The following HEPHL1 variants were observed in gnomAD, a reference collection of about 807,000 sequenced individuals.
HEPHL1 encodes ferroxidase HEPHL1.
In HEPHL1, 123 loss-of-function variants were observed where a neutral mutation model predicts 122.0. The observed-to-expected ratio is 1.01, with a 90% confidence interval of 0.87 to 1.17. HEPHL1 has a LOEUF of 1.17. HEPHL1 is among the 50% of genes most tolerant of loss of function. HEPHL1 has a pLI of 0.00. For missense variants in HEPHL1, 1,452 were observed against 1,430.5 expected (o/e 1.01, Z -0.24); for synonymous variants, 527 against 508.9 (o/e 1.04, Z -0.48).
At chr11:94,089,796 G>T (rs908664709) in intron 12 of HEPHL1, among the ~76,000 whole-genome samples, 1 of 152,062 alleles carries the variant, frequency 6.6e-6, no homozygotes, top group Non-Finnish European at 1.5e-5. Context: ...GAGTTAAGGC[G>T]CCCAACTAGA....
chr11:94,091,046 T>C (rs1253245030), intron 12 of HEPHL1, among the ~76,000 whole-genome samples: 8 of 152,226 alleles, frequency 5.3e-5, no homozygotes, highest in Non-Finnish European at 1.2e-4. Flanking sequence ...TTCCTAGTAC[T>C]CCTGAGCTTG....
intron 1 of HEPHL1, among the ~76,000 whole-genome samples, chr11:94,044,632 C>T (rs977104757): frequency 3.3e-5 from 5 of 152,188 alleles, no homozygotes; most frequent in Non-Finnish European, 7.3e-5. Flanking sequence ...TGCACTGCTT[C>T]CTCCTCACTG....
At chr11:94,063,447 G>T in intron 2 of HEPHL1, 61 bp from the exon 3 acceptor site, 1 of 1,305,044 alleles carries the variant, frequency 7.7e-7, no homozygotes, top group African/African-American at 1.5e-5. Flanking sequence ...CTCTACTATA[G>T]CATGTGATCT....
chr11:94,076,721 G>A (rs2945638), intron 9 of HEPHL1, among the ~76,000 whole-genome samples: 67,265 of 151,990 alleles, frequency 0.44, 15,052 homozygotes, highest in East Asian at 0.57. Flanking sequence ...TGAAATACCT[G>A]CTATGTGCCA....
At chr11:94,091,064 A>C (rs907648818) in intron 12 of HEPHL1, among the ~76,000 whole-genome samples, 4 of 152,198 alleles carry the variant, frequency 2.6e-5, no homozygotes, top group African/African-American at 9.6e-5. Context: ...TTGTAGACTG[A>C]TAGGTGTGTG....
chr11:94,048,908 G>T (rs1351896291), intron 2 of HEPHL1, among the ~76,000 whole-genome samples: 1 of 151,974 alleles, frequency 6.6e-6, no homozygotes, highest in Non-Finnish European at 1.5e-5. Flanking sequence ...ATCACCTGAG[G>T]TCGGGCATTT....
intron 18 of HEPHL1, 22 bp from the exon 19 acceptor site, chr11:94,111,515 T>C (rs2134457088): frequency 6.4e-7 from 1 of 1,560,206 alleles, no homozygotes; most frequent in East Asian, 2.3e-5. Flanking sequence ...AATAAAACAA[T>C]GAACTTGTTT....
chr11:94,109,830 A>G (rs908915167), intron 17 of HEPHL1, among the ~76,000 whole-genome samples: 6 of 152,168 alleles, frequency 3.9e-5, no homozygotes, highest in African/African-American at 1.4e-4. Context: ...TTGGTATCAC[A>G]GTAATGCTGG....
intron 3 of HEPHL1, 74 bp downstream of exon 3, chr11:94,063,794 C>T: frequency 1.6e-6 from 2 of 1,229,878 alleles, no homozygotes; most frequent in East Asian, 2.3e-5. Flanking sequence ...TGCCTACCTC[C>T]TTTGCTCCAC....
At chr11:94,096,255 T>C (rs1037119651) in intron 13 of HEPHL1, among the ~76,000 whole-genome samples, 4 of 152,222 alleles carry the variant, frequency 2.6e-5, no homozygotes, top group African/African-American at 9.7e-5. Flanking sequence ...TTCTAAGGTC[T>C]GTTCTGCAGC....
intron 1 of HEPHL1, among the ~76,000 whole-genome samples, chr11:94,032,375 G>C (rs1591460995): frequency 1.3e-5 from 2 of 152,166 alleles, no homozygotes. Context: ...CGTGGTCTGG[G>C]GCAGGCTGGA....
chr11:94,104,084 T>C (rs1479491398), intron 15 of HEPHL1, among the ~76,000 whole-genome samples: 1 of 152,138 alleles, frequency 6.6e-6, no homozygotes, highest in Non-Finnish European at 1.5e-5. Flanking sequence ...CTAACTAAAG[T>C]ACTATAGAAG....
chr11:94,070,449 G>A lies in HEPHL1; in HGVS notation c.1139G>A (p.Arg380Lys). 1.9e-6 allele frequency: 3 copies of A among 1,608,478 alleles called. No individual in the cohort carries two copies. The highest frequency in any genetic ancestry group is 2.2e-5 in the South Asian group (2 of 90,022). The part of the protein sequence containing the change: ...IFYPKMKGQQ[R>K]RYFIAAEKIL... Reference sequence around the variant, plus strand: ...TACCCCAAGATGAAGGGTCAACAGAGGCGCTACTTTATAGCAGCTGAAAAA... The same window carrying A: ...TACCCCAAGATGAAGGGTCAACAGAAGCGCTACTTTATAGCAGCTGAAAAA... Residue 380 changes from arginine to lysine, a missense_variant, in exon 6 of 20, where the codon AGG (arginine) becomes AAG (lysine). Coordinates refer to ENST00000315765, the MANE Select transcript of HEPHL1 (RefSeq NM_001098672.2).
chr11:94,021,946 G>A (rs558106492), intron 1 of HEPHL1, among the ~76,000 whole-genome samples: 11 of 152,264 alleles, frequency 7.2e-5, no homozygotes, highest in Admixed American at 3.3e-4. Flanking sequence ...TTTCTGGAAT[G>A]AAACATCATA....
At chr11:94,058,416 C>T (rs1332606474) in intron 2 of HEPHL1, among the ~76,000 whole-genome samples, 1 of 152,124 alleles carries the variant, frequency 6.6e-6, no homozygotes, top group Non-Finnish European at 1.5e-5. Flanking sequence ...GAAGTCTCTG[C>T]TTAATTCAAC....
Position 94,088,817 on chromosome 11 carries a change from G to A in HEPHL1, c.2143G>A (p.Glu715Lys), listed in dbSNP as rs1167468600. Residue 715 changes from glutamate to lysine, a missense_variant, in exon 12 of 20, where the codon GAG becomes AAG. Glu to Lys is a moderately conservative substitution (Grantham distance 56). Transcript: ENST00000315765. ...HLSRGMGQIY[E>K]VSSCDNRDPS... ...CTCGAGAGGCATGGGTCAGATCTAT[G>A]AGGTCAGCAGCTGTGACAACAGGGA... is the stretch of plus-strand genomic sequence containing the variant. The A allele has an allele frequency of 1.2e-6, 2 of 1,614,026 alleles. No individual in the cohort carries two copies. Among genetic ancestry groups the A allele is most frequent in the Admixed American group, 3.3e-5 (2 of 60,026 alleles).
chr11:94,079,150 G>A (rs1385627046), intron 9 of HEPHL1, among the ~76,000 whole-genome samples: 1 of 152,192 alleles, frequency 6.6e-6, no homozygotes. Context: ...GTTGCGTTGA[G>A]TGCTTTAGCT....
intron 13 of HEPHL1, 146 bp downstream of exon 13, chr11:94,093,786 C>A: frequency 1.1e-6 from 1 of 927,004 alleles, no homozygotes; most frequent in Non-Finnish European, 1.6e-6. Context: ...TATCTTCCTG[C>A]TCTACCATTA....
chr11:94,110,051 G>A (rs1041965317), intron 17 of HEPHL1, among the ~76,000 whole-genome samples: 2 of 152,160 alleles, frequency 1.3e-5, no homozygotes, highest in Non-Finnish European at 2.9e-5. Flanking sequence ...GTAATCTTCA[G>A]GAGTTTGTGT....
Sources: allele counts gnomAD v4.1 joint callset (sites outside exome capture counted in the v4.1 genomes callset), GRCh38; gene constraint gnomAD v4.1.1; transcripts MANE v1.5; gene names NCBI Gene and HGNC (gene_info 2026-07-23, HGNC 2026-07-21).